MYLIP: variants seen among roughly 807,000 people sequenced by gnomAD.
MYLIP encodes E3 ubiquitin-protein ligase MYLIP.
MYLIP carries 26 observed loss-of-function variants against 45.8 expected under a neutral mutation model. The observed-to-expected ratio is 0.57, with a 90% CI of 0.42 to 0.79. MYLIP has a LOEUF of 0.79. Ranked by LOEUF, MYLIP falls within the 30% of genes least tolerant of loss-of-function variation. MYLIP has a pLI of 0.00. For synonymous variants in MYLIP, 213 were observed against 218.1 expected (o/e 0.98, Z 0.21); for missense variants, 494 against 555.6 (o/e 0.89, Z 1.11).
chr6:16,132,861 G>A (rs1759484054), intron 2 of MYLIP, among the ~76,000 whole-genome samples: 1 of 152,218 alleles, frequency 6.6e-6, no homozygotes, highest in East Asian at 1.9e-4. Flanking sequence ...GTCTGTTTAT[G>A]TAGTGAGTAA....
rs764284423 is a variant in MYLIP, at chr6:16,143,209, A to G, written c.654A>G (p.Pro218=). ...GISICKDDFS[P]INRIAYPVVQ... ...CAATTTGTAAAGATGACTTTAGCCC[A>G]ATTAATAGGTAAGCCAAGACTTAAC... The change falls in exon 4 of 7, where the codon CCA becomes CCG. Residue 218 remains proline, a synonymous_variant. Transcript: ENST00000356840. The G allele has an allele frequency of 1.4e-5, 23 of 1,614,106 alleles. No individual in the cohort carries two copies. In the Admixed American group the frequency reaches 3.8e-4, roughly 27 times the overall value.
chr6:16,140,338 A>G (rs950429001), intron 2 of MYLIP, among the ~76,000 whole-genome samples: 4 of 140,136 alleles, frequency 2.9e-5, no homozygotes, highest in Non-Finnish European at 6.1e-5. Context: ...ATTTTACAGG[A>G]GTTTTTAAGT....
At position 16,145,332 on chromosome 6, in the gene MYLIP, T is replaced by C; in HGVS notation, c.1248+15T>C. 1.3e-6 allele frequency: 2 copies of C among 1,556,496 alleles called. No individual in the cohort carries two copies. The highest frequency in any genetic ancestry group is 1.7e-6 in the Non-Finnish European group (2 of 1,148,140). ...CCCAGCTACAGGTAGGGGAGTCAGC[T>C]GCCCACTTTTGCCTGCAGCCTCACC... On this transcript the variant is annotated intron_variant, in intron 6 of 6. Coordinates refer to ENST00000356840, the MANE Select transcript of MYLIP (RefSeq NM_013262.4).
chr6:16,134,996 A>G (rs1309000546), intron 2 of MYLIP, among the ~76,000 whole-genome samples: 1 of 152,180 alleles, frequency 6.6e-6, no homozygotes, highest in Non-Finnish European at 1.5e-5. Flanking sequence ...GGTCAGACTC[A>G]AGGTGACCAG....
chr6:16,143,644 A>G, intron 4 of MYLIP, 55 bp from the exon 5 acceptor site: 1 of 1,584,612 alleles, frequency 6.3e-7, no homozygotes, highest in Non-Finnish European at 8.6e-7. Context: ...AGGCACACAC[A>G]TGGTGAAGAA....
chr6:16,130,894 T>G lies in MYLIP; in HGVS notation c.278+147T>G, dbSNP rs917397208. 1.4e-5 allele frequency: 11 copies of G among 765,946 alleles called. No homozygotes were observed. The African/African-American group carries it at 1.6e-4, about 11-fold the overall frequency. The allele number at this position is 765,946 out of a possible 1,614,324, so 47.4% of individuals were successfully genotyped here. ...TAGGTTTTCCATGCAGGTCCTTTTG[T>G]TGAGGTGGAGGGGGAGCTACCTACT... On this transcript the variant is annotated intron_variant, in intron 2 of 6. Transcript: ENST00000356840.
At chr6:16,134,040 T>C (rs1385610562) in intron 2 of MYLIP, among the ~76,000 whole-genome samples, 1 of 152,154 alleles carries the variant, frequency 6.6e-6, no homozygotes, top group East Asian at 1.9e-4. Context: ...TCAGAAAAGT[T>C]TCCCTAGCCT....
chr6:16,141,391 G>A (rs918348716), intron 2 of MYLIP, among the ~76,000 whole-genome samples: 1 of 152,176 alleles, frequency 6.6e-6, no homozygotes, highest in Non-Finnish European at 1.5e-5. Flanking sequence ...TACCGAACTT[G>A]TGTTAAATAA....
At chr6:16,154,076 T>C in the MYLIP span, among the ~76,000 whole-genome samples, 3 of 152,226 alleles carry the variant, frequency 2.0e-5, no homozygotes, top group Non-Finnish European at 2.9e-5. Context: ...ACTTCAGTAA[T>C]AGATGCTAAA....
the MYLIP span, among the ~76,000 whole-genome samples, chr6:16,154,057 C>T: frequency 5.7e-4 from 87 of 152,272 alleles, no homozygotes; most frequent in Non-Finnish European, 1.1e-3. Flanking sequence ...AGCCATGAAC[C>T]CCACCTCTAC....
chr6:16,157,230 C>T, the MYLIP span, among the ~76,000 whole-genome samples: 17 of 152,226 alleles, frequency 1.1e-4, no homozygotes, highest in African/African-American at 4.1e-4. Context: ...CTGACCTAAA[C>T]ATTCTTCAGG....
the MYLIP span, among the ~76,000 whole-genome samples, chr6:16,153,662 C>T: frequency 6.6e-6 from 1 of 152,150 alleles, no homozygotes; most frequent in East Asian, 1.9e-4. Flanking sequence ...ACACTGGAGG[C>T]TGCTGCTGAT....
chr6:16,162,132 G>A, the MYLIP span, among the ~76,000 whole-genome samples: 1 of 152,216 alleles, frequency 6.6e-6, no homozygotes, highest in Non-Finnish European at 1.5e-5. Flanking sequence ...ATTCTTTCAT[G>A]GCCAAGGCCT....
In MYLIP at chr6:16,146,834, T is replaced by C; in HGVS notation, c.*83T>C. ...TTAAAATGATAGATTGTGGAGAAAG[T>C]AATTATTCCAACACCCATCTGCCAT... On this transcript the variant is annotated 3_prime_UTR_variant, in exon 7 of 7. Coordinates refer to ENST00000356840, the MANE Select transcript of MYLIP (RefSeq NM_013262.4). 1 of 1,213,960 alleles carries C rather than the reference T, an allele frequency of 8.2e-7. No individual in the cohort carries two copies. Among genetic ancestry groups the C allele is most frequent in the Non-Finnish European group, 1.2e-6 (1 of 864,124 alleles). 75.2% of individuals were successfully genotyped at this position (1,213,960 alleles called of 1,614,324 possible). A position where few individuals can be genotyped will look rare whatever the true frequency, so the allele number is the denominator to read the frequency against.
intron 2 of MYLIP, among the ~76,000 whole-genome samples, chr6:16,137,844 T>C (rs1162337271): frequency 1.3e-5 from 2 of 151,818 alleles, no homozygotes; most frequent in African/African-American, 4.9e-5. Context: ...ATGTGATTCA[T>C]TTTTAAAATT....
chr6:16,129,163 C>A lies in MYLIP; in HGVS notation c.-160C>A, dbSNP rs1169091777. On this transcript the variant is annotated 5_prime_UTR_variant, in exon 1 of 7. Coordinates refer to ENST00000356840, the MANE Select transcript of MYLIP (RefSeq NM_013262.4). This position sits in a 1 kb window ranked among gnomAD's most constrained non-coding sequence, Gnocchi z 5.1. The stretch of plus-strand genomic sequence containing the variant: ...GCAGCGGGTGAGGGGGTGGCGGGGA[C>A]GCGAGTGGCGGCCGCGGGGCCCCGG... 2 of 673,758 alleles carry A rather than the reference C, an allele frequency of 3.0e-6. No homozygotes were observed. The highest frequency in any genetic ancestry group is 1.9e-5 in the African/African-American group (1 of 53,258). The allele number at this position is 673,758 out of a possible 1,614,324, so 41.7% of individuals were successfully genotyped here.
downstream of MYLIP, among the ~76,000 whole-genome samples, chr6:16,152,269 T>C (rs188554196): frequency 2.0e-5 from 3 of 152,388 alleles, no homozygotes; most frequent in East Asian, 5.8e-4. Context: ...TTGATTCATT[T>C]GGCCTTTTAT....
At chr6:16,150,824 C>T (rs549317865), downstream of MYLIP, among the ~76,000 whole-genome samples, 33 of 152,220 alleles carry the variant, frequency 2.2e-4, no homozygotes, top group Admixed American at 1.3e-3. Flanking sequence ...GGGAGTTATT[C>T]CCATCCTACC....
rs1282425861 is a variant in MYLIP, at chr6:16,130,700, A to T, written c.231A>T (p.Arg77Ser). 2.5e-6 allele frequency: 4 copies of T among 1,614,178 alleles called. No individual in the cohort carries two copies. The highest frequency in any genetic ancestry group is 2.5e-6 in the Non-Finnish European group (3 of 1,180,042). Residue 77 changes from arginine to serine, a missense_variant, in exon 2 of 7, where the codon AGA becomes AGT. Arg to Ser is a moderately radical substitution (Grantham distance 110). Coordinates refer to ENST00000356840, the MANE Select transcript of MYLIP (RefSeq NM_013262.4). ...DGLAPYRLKL[R>S]VKFFVEPHLI... ...TAGCCCCTTACAGGCTTAAACTTAG[A>T]GTCAAGTTCTTCGTGGAGCCTCATC...
Sources: gnomAD v4.1 joint callset for allele counts (sites outside exome capture counted in the v4.1 genomes callset) on GRCh38, gnomAD v4.1.1 for gene constraint, Gnocchi (gnomAD v3.1) non-coding constraint, MANE v1.5 for transcripts, NCBI Gene and HGNC (gene_info 2026-07-23, HGNC 2026-07-21) for gene names.